The following KCNK10 variants were observed in gnomAD, a reference collection of about 807,000 sequenced individuals.
KCNK10 encodes the protein potassium two pore domain channel subfamily K member 10.
A neutral mutation model predicts 47.7 loss-of-function variants in KCNK10; 25 were observed. The ratio of observed to expected loss-of-function variants is 0.52; its 90% confidence interval spans 0.38 to 0.73. The LOEUF (loss-of-function observed/expected upper bound fraction) is 0.73. Among genes scored for constraint, KCNK10 ranks in the 30% least tolerant of loss-of-function variants. The pLI is 0.00. For synonymous variants in KCNK10, 303 were observed against 285.6 expected, an observed-to-expected ratio of 1.06 and a Z score of -0.61; for missense variants, 563 against 714.5, an observed-to-expected ratio of 0.79 and a Z score of 2.42.
chr14:88,274,975 C>T (rs952346743), intron 1 of KCNK10, among the ~76,000 whole-genome samples: 1 of 152,120 alleles, frequency 6.6e-6, no homozygotes, highest in African/African-American at 2.4e-5. Flanking sequence ...CCAACCTTCC[C>T]CTCACCCCTA....
intron 1 of KCNK10, among the ~76,000 whole-genome samples, chr14:88,269,100 T>C (rs926203614): frequency 2.6e-5 from 4 of 152,210 alleles, no homozygotes; most frequent in Non-Finnish European, 5.9e-5. Context: ...ATCGTGCCAT[T>C]GCACTCCAGC....
rs1884385486 is a variant in KCNK10, at chr14:88,182,064, AC to A, written c.*3470del. 1 of 154,868 alleles carries A rather than the reference AC, an allele frequency of 6.5e-6. No homozygotes were observed. Among genetic ancestry groups the A allele is most frequent in the Admixed American group, 6.6e-5 (1 of 15,258 alleles). 9.6% of individuals were successfully genotyped at this position (154,868 alleles called of 1,614,324 possible). On this transcript the variant is annotated 3_prime_UTR_variant, in exon 7 of 7. Transcript: ENST00000319231. ...CACACACACACACACACACACACAC[AC>A]ACACACACACACACACACACTCTAT...
chr14:88,265,685 C>T lies in KCNK10; in HGVS notation c.53-2134G>A, dbSNP rs533557404. Among the ~76,000 whole-genome samples the T allele has an allele frequency of 7.8e-4, 119 of 152,294 alleles. 1 individual carries two copies. Among genetic ancestry groups the T allele is most frequent in the Admixed American group, 7.8e-3 (119 of 15,310 alleles). The stretch of plus-strand genomic sequence containing the variant: ...CCCAAATCTCACCTTAAATTGTATT[C>T]CCATAATCCTTACATCTTGGGGGAG... On this transcript the variant is annotated intron_variant, in intron 1 of 6. Transcript: ENST00000319231.
upstream of KCNK10, among the ~76,000 whole-genome samples, chr14:88,325,149 C>G (rs1016435480): frequency 1.3e-5 from 2 of 152,144 alleles, no homozygotes. Flanking sequence ...AGCCATGCCC[C>G]GAGACACCAG....
chr14:88,261,699 G>A (rs2013742), intron 2 of KCNK10, among the ~76,000 whole-genome samples: 58,641 of 151,366 alleles, frequency 0.39, 13,807 homozygotes, highest in Non-Finnish European at 0.52. Flanking sequence ...AGTTGAACCT[G>A]CAATGAGCCA....
intron 1 of KCNK10, among the ~76,000 whole-genome samples, chr14:88,288,660 TCC>T (rs1887818421): frequency 6.6e-6 from 1 of 152,098 alleles, no homozygotes; most frequent in African/African-American, 2.4e-5. Context: ...TGTCCTTAGA[TCC>T]CCAAATTCTG....
At chr14:88,253,214 A>G (rs931051702) in intron 2 of KCNK10, among the ~76,000 whole-genome samples, 3 of 152,254 alleles carry the variant, frequency 2.0e-5, no homozygotes, top group Non-Finnish European at 4.4e-5. Context: ...CTGACTGGAA[A>G]GAGTCAGGGG....
intron 1 of KCNK10, among the ~76,000 whole-genome samples, chr14:88,310,217 C>G (rs28515520): frequency 0.019 from 1,710 of 91,742 alleles, 149 homozygotes; most frequent in African/African-American, 0.073. Context: ...TATACCATAT[C>G]ATATGGTATA....
intron 1 of KCNK10, among the ~76,000 whole-genome samples, chr14:88,286,936 C>T (rs1010758266): frequency 2.0e-5 from 3 of 152,066 alleles, no homozygotes; most frequent in African/African-American, 7.2e-5. Context: ...TGAGGTGCAC[C>T]CTACGGAGAA....
intron 1 of KCNK10, among the ~76,000 whole-genome samples, chr14:88,310,810 C>T (rs1888313211): frequency 6.6e-6 from 1 of 152,128 alleles, no homozygotes; most frequent in Non-Finnish European, 1.5e-5. Context: ...AACAAAGTGA[C>T]AGCGGGTATG....
At chr14:88,240,872 T>A in intron 2 of KCNK10, 52 bp from the exon 3 acceptor site, 1 of 1,200,814 alleles carries the variant, frequency 8.3e-7, no homozygotes, top group Non-Finnish European at 1.2e-6. Context: ...TGTTTATTTT[T>A]TTTTTCTTCA....
intron 4 of KCNK10, among the ~76,000 whole-genome samples, chr14:88,198,130 G>A (rs991920820): frequency 6.6e-6 from 1 of 152,204 alleles, no homozygotes; most frequent in Non-Finnish European, 1.5e-5. Context: ...ATAAAAGCAT[G>A]CCAACTGTAA....
upstream of KCNK10, chr14:88,323,337 C>G: frequency 1.0e-6 from 1 of 966,534 alleles, no homozygotes; most frequent in Non-Finnish European, 1.2e-6. Flanking sequence ...CGGCTCCTCG[C>G]CCCCGGCGAC....
intron 4 of KCNK10, among the ~76,000 whole-genome samples, chr14:88,203,201 C>T (rs1206423930): frequency 6.6e-6 from 1 of 152,172 alleles, no homozygotes; most frequent in Non-Finnish European, 1.5e-5. Flanking sequence ...CCTGTATATG[C>T]CCGGGCAGAC....
At chr14:88,309,374 G>T (rs561749545) in intron 1 of KCNK10, among the ~76,000 whole-genome samples, 1 of 152,306 alleles carries the variant, frequency 6.6e-6, no homozygotes, top group Non-Finnish European at 1.5e-5. Context: ...AGCCGAGGTA[G>T]GCGGATTGCT....
At chr14:88,286,270 G>A (rs1004298580) in intron 1 of KCNK10, among the ~76,000 whole-genome samples, 3 of 152,038 alleles carry the variant, frequency 2.0e-5, no homozygotes, top group Admixed American at 6.6e-5. Flanking sequence ...ACAAACCATC[G>A]CCTCTGTGTC....
chr14:88,283,691 C>G (rs1887700532), intron 1 of KCNK10, among the ~76,000 whole-genome samples: 1 of 152,152 alleles, frequency 6.6e-6, no homozygotes. Context: ...GCAGGTGGAT[C>G]ACGAGGTCAA....
chr14:88,228,643 T>C (rs893083384), intron 3 of KCNK10, among the ~76,000 whole-genome samples: 4 of 152,114 alleles, frequency 2.6e-5, no homozygotes, highest in Non-Finnish European at 5.9e-5. Flanking sequence ...GAATGCAACA[T>C]GATAAAAAAA....
intron 4 of KCNK10, among the ~76,000 whole-genome samples, chr14:88,222,989 T>C (rs940931577): frequency 2.0e-5 from 3 of 152,188 alleles, no homozygotes; most frequent in Non-Finnish European, 2.9e-5. Context: ...TAATGAGTGT[T>C]GGGAGTATGA....
Sources: gnomAD v4.1 joint callset for allele counts (sites outside exome capture counted in the v4.1 genomes callset) on GRCh38, gnomAD v4.1.1 for gene constraint, MANE v1.5 for transcripts, NCBI Gene and HGNC (gene_info 2026-07-23, HGNC 2026-07-21) for gene names.